The following ATP2B1 variants were observed in gnomAD, a reference collection of about 807,000 sequenced individuals.
ATP2B1 encodes plasma membrane calcium-transporting ATPase 1.
In ATP2B1, 14 loss-of-function variants were observed where a neutral mutation model predicts 124.2. The observed-to-expected ratio is 0.11, with a 90% confidence interval of 0.07 to 0.18. ATP2B1 has a LOEUF of 0.18. Ranked by LOEUF, ATP2B1 falls within the 10% of genes least tolerant of loss-of-function variation. The probability of loss-of-function intolerance (pLI) is 1.00; values close to 1 mark genes in which losing one functional copy is unlikely to be tolerated. For synonymous variants in ATP2B1, 449 were observed against 492.4 expected (o/e 0.91, Z 1.17); for missense variants, 763 against 1,466.1 (o/e 0.52, Z 7.83).
At chr12:89,635,899 G>C (rs1882610426) in intron 3 of ATP2B1, among the ~76,000 whole-genome samples, 1 of 152,168 alleles carries the variant, frequency 6.6e-6, no homozygotes, top group Admixed American at 6.6e-5. Context: ...ATACAGTAGT[G>C]AGTAAGACAC....
chr12:89,696,564 G>C (rs915780360), intron 1 of ATP2B1, among the ~76,000 whole-genome samples: 1 of 152,122 alleles, frequency 6.6e-6, no homozygotes, highest in South Asian at 2.1e-4. Context: ...ATGTTAATAG[G>C]TAAGTTTTTC....
At chr12:89,626,675 T>A (rs1880920967) in intron 7 of ATP2B1, 60 bp from the exon 8 acceptor site, 1 of 1,495,592 alleles carries the variant, frequency 6.7e-7, no homozygotes, top group Non-Finnish European at 8.9e-7. Flanking sequence ...ACTATTAACA[T>A]TTTAAAGAAA....
chr12:89,654,439 C>T (rs556350143), intron 2 of ATP2B1, among the ~76,000 whole-genome samples: 20 of 152,198 alleles, frequency 1.3e-4, no homozygotes, highest in African/African-American at 4.1e-4. Flanking sequence ...TCTAGTGGTT[C>T]CAATTTGAAA....
chr12:89,635,048 G>C lies in ATP2B1; in HGVS notation c.610C>G (p.Gln204Glu). 1 of 1,613,930 alleles carries C rather than the reference G, an allele frequency of 6.2e-7. No homozygotes were observed. The highest frequency in any genetic ancestry group is 8.5e-7 in the Non-Finnish European group (1 of 1,179,874). ...ACAGTAATGTCAGCTACAGGTATCT[G>C]AATGACCTGACCACCCCTGATGACA... Reference protein sequence around the residue: ...FTVIRGGQVIQIPVADITVGD... With the variant: ...FTVIRGGQVIEIPVADITVGD... The change falls in exon 4 of 21, where the codon CAG (glutamine) becomes GAG (glutamate). Residue 204 changes from glutamine (Q) to glutamate (E), a missense_variant. By Grantham distance (29) the Gln-to-Glu change is conservative (BLOSUM62 2). Coordinates refer to ENST00000428670, the MANE Select transcript of ATP2B1 (RefSeq NM_001366521.1).
chr12:89,631,081 A>G (rs985404739), intron 5 of ATP2B1, among the ~76,000 whole-genome samples: 8 of 152,096 alleles, frequency 5.3e-5, no homozygotes, highest in African/African-American at 1.9e-4. Flanking sequence ...TCAATAAAAT[A>G]CATTTAGTAA....
At chr12:89,594,119 A>C (rs1874114286) in intron 20 of ATP2B1, 1 of 152,054 alleles carries the variant, frequency 6.6e-6, no homozygotes, top group Non-Finnish European at 1.5e-5. Flanking sequence ...AAAGCAATTC[A>C]ATTTTCAAAG....
intron 1 of ATP2B1, among the ~76,000 whole-genome samples, chr12:89,680,220 C>T (rs1007823303): frequency 6.6e-6 from 1 of 152,086 alleles, no homozygotes; most frequent in Non-Finnish European, 1.5e-5. Context: ...AAAACAATCA[C>T]CCCCTGCCCC....
At chr12:89,691,681 G>T (rs920759192) in intron 1 of ATP2B1, among the ~76,000 whole-genome samples, 1 of 152,066 alleles carries the variant, frequency 6.6e-6, no homozygotes, top group African/African-American at 2.4e-5. Flanking sequence ...AGTCTATCTA[G>T]GGAGACAGAT....
In ATP2B1 at chr12:89,603,561, A is replaced by G; in HGVS notation, c.2848+151T>C. ...AGCTTATTGTCCTCCCAAATTTACTAAGCACTCACTGATTAAGAAGAAATT... is the reference window on the plus strand; with the variant it reads ...AGCTTATTGTCCTCCCAAATTTACTGAGCACTCACTGATTAAGAAGAAATT... On this transcript the variant is annotated intron_variant, in intron 17 of 20. Coordinates refer to ENST00000428670, the MANE Select transcript of ATP2B1 (RefSeq NM_001366521.1). This position sits in a 1 kb window ranked among gnomAD's most constrained non-coding sequence, Gnocchi z 4.3. 1 of 796,200 alleles carries G rather than the reference A, an allele frequency of 1.3e-6. No individual in the cohort carries two copies. Among genetic ancestry groups the G allele is most frequent in the Non-Finnish European group, 2.0e-6 (1 of 511,100 alleles). The allele number at this position is 796,200 out of a possible 1,614,324, so 49.3% of individuals were successfully genotyped here.
rs1181494815 is a variant in ATP2B1, at chr12:89,677,965, TATATATACAC to T, written c.-221-21868_-221-21859del. Among the ~76,000 whole-genome samples the T allele has an allele frequency of 1.7e-3, 185 of 112,074 alleles. 10 individuals carry two copies. The highest frequency in any genetic ancestry group is 0.014 in the East Asian group (54 of 3,760). 73.5% of individuals were successfully genotyped at this position (112,074 alleles called of 152,430 possible). A position where few individuals can be genotyped will look rare whatever the true frequency, so the allele number is the denominator to read the frequency against. The stretch of plus-strand genomic sequence containing the variant: ...GGGGCATGCAGGAATTATATATATA[TATATATACAC>T]ACACACACACACACACACACACACA... On this transcript the variant is annotated intron_variant, in intron 1 of 20. Transcript: ENST00000428670.
At chr12:89,708,319 C>T (rs1414673728) in intron 1 of ATP2B1, among the ~76,000 whole-genome samples, 2 of 152,138 alleles carry the variant, frequency 1.3e-5, no homozygotes, top group African/African-American at 4.8e-5. Flanking sequence ...CCCCAACAAG[C>T]CCCATCCCTC....
chr12:89,698,200 G>A (rs980253456), intron 1 of ATP2B1, among the ~76,000 whole-genome samples: 2 of 152,130 alleles, frequency 1.3e-5, no homozygotes, highest in African/African-American at 4.8e-5. Flanking sequence ...AACATATAAA[G>A]AAATTACAAC....
chr12:89,679,525 C>A (rs533759604), intron 1 of ATP2B1, among the ~76,000 whole-genome samples: 1 of 152,254 alleles, frequency 6.6e-6, no homozygotes, highest in Non-Finnish European at 1.5e-5. Flanking sequence ...TCTTTTCCCC[C>A]AAAAAGCACA....
intron 1 of ATP2B1, among the ~76,000 whole-genome samples, chr12:89,658,817 A>G: frequency 6.6e-6 from 1 of 152,192 alleles, no homozygotes; most frequent in Admixed American, 6.5e-5. Flanking sequence ...AAGCACATGA[A>G]TATTAATCAT....
At position 89,603,267 on chromosome 12, in the gene ATP2B1, A is replaced by C; in HGVS notation, c.2849-13T>G. The stretch of plus-strand genomic sequence containing the variant: ...AAAAACTTTTCTCCTGAAAGAATGA[A>C]AAATGACTATTTTGTAATTATCATA... On this transcript the variant is annotated splice_polypyrimidine_tract_variant and intron_variant, in intron 17 of 20. Transcript: ENST00000428670. This position sits in a 1 kb window ranked among gnomAD's most constrained non-coding sequence, Gnocchi z 4.3. The C allele has an allele frequency of 6.4e-7, 1 of 1,570,126 alleles. No individual in the cohort carries two copies. The highest frequency in any genetic ancestry group is 8.7e-7 in the Non-Finnish European group (1 of 1,155,040).
At chr12:89,705,697 A>G (rs1456150406) in intron 1 of ATP2B1, among the ~76,000 whole-genome samples, 1 of 152,164 alleles carries the variant, frequency 6.6e-6, no homozygotes, top group Non-Finnish European at 1.5e-5. Flanking sequence ...ATTACTCTAC[A>G]TGCAACAATC....
rs1028736532 is a variant in ATP2B1 at position 89,708,786 on chromosome 12, A to T, written c.-412T>A. The T allele has an allele frequency of 1.3e-5, 2 of 151,736 alleles. No individual in the cohort carries two copies. Among genetic ancestry groups the T allele is most frequent in the Admixed American group, 1.3e-4 (2 of 15,282 alleles). 9.4% of individuals were successfully genotyped at this position (151,736 alleles called of 1,614,324 possible). On this transcript the variant is annotated 5_prime_UTR_variant, in exon 1 of 21. Coordinates refer to ENST00000428670, the MANE Select transcript of ATP2B1 (RefSeq NM_001366521.1). ...CACCTCGGGGATGGGGCGGCCAAGG[A>T]GCCGAGAGGCTCGGCGTCCACCAGC...
intron 1 of ATP2B1, among the ~76,000 whole-genome samples, chr12:89,703,462 G>C (rs996035309): frequency 1.8e-4 from 27 of 152,154 alleles, no homozygotes; most frequent in African/African-American, 6.0e-4. Flanking sequence ...TAAAATTAAA[G>C]AGAGCTATCT....
chr12:89,652,319 T>C (rs900037411), intron 2 of ATP2B1, among the ~76,000 whole-genome samples: 5 of 12,702 alleles, frequency 3.9e-4, no homozygotes, highest in African/African-American at 8.8e-4. Context: ...AACAACTGCC[T>C]TCCCAGTAAC....
Sources: gnomAD v4.1 joint callset for allele counts (sites outside exome capture counted in the v4.1 genomes callset) on GRCh38, gnomAD v4.1.1 for gene constraint, Gnocchi (gnomAD v3.1) non-coding constraint, MANE v1.5 for transcripts, NCBI Gene and HGNC (gene_info 2026-07-23, HGNC 2026-07-21) for gene names.